PCDH9: variants seen among roughly 807,000 people sequenced by gnomAD.
PCDH9 encodes the protein protocadherin-9.
A neutral mutation model predicts 70.6 loss-of-function variants in PCDH9; 24 were observed. That is an observed-to-expected ratio of 0.34 (90% CI 0.25 to 0.48). The LOEUF (loss-of-function observed/expected upper bound fraction) is 0.48. Among genes scored for constraint, PCDH9 ranks in the 20% least tolerant of loss-of-function variants. The pLI is 0.99. For synonymous variants in PCDH9, 562 were observed against 558.5 expected (o/e 1.01, Z -0.09); for missense variants, 1,281 against 1,503.6 (o/e 0.85, Z 2.45).
chr13:67,033,008 T>C (rs772271391), intron 2 of PCDH9, among the ~76,000 whole-genome samples: 1 of 152,202 alleles, frequency 6.6e-6, no homozygotes, highest in Non-Finnish European at 1.5e-5. Flanking sequence ...ACTTATGTGA[T>C]GCATAATTTA....
intron 3 of PCDH9, among the ~76,000 whole-genome samples, chr13:66,744,276 A>G (rs1480071686): frequency 1.3e-5 from 2 of 152,234 alleles, no homozygotes; most frequent in Non-Finnish European, 2.9e-5. Context: ...GATGAAGATT[A>G]AATAAGCCCG....
intron 2 of PCDH9, among the ~76,000 whole-genome samples, chr13:67,192,704 A>G (rs972471178): frequency 6.6e-6 from 1 of 152,178 alleles, no homozygotes; most frequent in Admixed American, 6.6e-5. Context: ...AATCATAGTG[A>G]ATGGAGTAGA....
chr13:66,922,489 A>T (rs937397950), intron 2 of PCDH9, among the ~76,000 whole-genome samples: 1 of 151,394 alleles, frequency 6.6e-6, no homozygotes, highest in South Asian at 2.1e-4. Flanking sequence ...TTTAATTTTC[A>T]CGATTCTACA....
At chr13:66,597,549 C>A (rs1206519528) in intron 4 of PCDH9, among the ~76,000 whole-genome samples, 1 of 151,588 alleles carries the variant, frequency 6.6e-6, no homozygotes, top group Non-Finnish European at 1.5e-5. Context: ...GAAATCAGAC[C>A]CCTATCCCAC....
chr13:67,229,346 C>T (rs1295502960), intron 1 of PCDH9, among the ~76,000 whole-genome samples: 3 of 152,122 alleles, frequency 2.0e-5, no homozygotes, highest in African/African-American at 7.2e-5. Context: ...ATAAGTGAAA[C>T]GCAGCTAACA....
At chr13:66,779,873 A>ATACATGTATGTGTGTG (rs375882917) in intron 3 of PCDH9, among the ~76,000 whole-genome samples, 1 of 115,878 alleles carries the variant, frequency 8.6e-6, no homozygotes. Context: ...ATATACATAT[A>ATACATGTATGTGTGTG]TGTGTGTGTG....
chr13:66,432,973 T>C (rs1196274369), intron 4 of PCDH9, among the ~76,000 whole-genome samples: 2 of 151,932 alleles, frequency 1.3e-5, no homozygotes, highest in East Asian at 1.9e-4. Context: ...TAATTTGCTA[T>C]GAGGAAGTAA....
chr13:67,029,565 CT>C (rs1287077618), intron 2 of PCDH9, among the ~76,000 whole-genome samples: 2 of 152,146 alleles, frequency 1.3e-5, no homozygotes, highest in African/African-American at 4.8e-5. Context: ...AAGCAGCTTC[CT>C]TTACTGGCAT....
At chr13:66,450,777 A>C (rs1336330046) in intron 4 of PCDH9, among the ~76,000 whole-genome samples, 1 of 152,174 alleles carries the variant, frequency 6.6e-6, no homozygotes, top group Non-Finnish European at 1.5e-5. Context: ...GCACTTTGGG[A>C]GGCCGAGGCG....
chr13:66,549,222 A>G (rs556553033), intron 4 of PCDH9, among the ~76,000 whole-genome samples: 2 of 152,276 alleles, frequency 1.3e-5, no homozygotes, highest in Non-Finnish European at 1.5e-5. Context: ...AACCGTATGT[A>G]TATGTTAGCA....
intron 2 of PCDH9, among the ~76,000 whole-genome samples, chr13:66,911,044 G>A (rs2082455973): frequency 6.6e-6 from 1 of 152,174 alleles, no homozygotes; most frequent in Admixed American, 6.5e-5. Flanking sequence ...GCTCTGTTAG[G>A]CTGAATTTAT....
At chr13:66,532,305 T>A (rs529460705) in intron 4 of PCDH9, among the ~76,000 whole-genome samples, 1 of 152,024 alleles carries the variant, frequency 6.6e-6, no homozygotes, top group Non-Finnish European at 1.5e-5. Context: ...ATTTACTTTG[T>A]AAGGTGGAAA....
chr13:67,067,846 A>T (rs953328422), intron 2 of PCDH9, among the ~76,000 whole-genome samples: 2 of 151,918 alleles, frequency 1.3e-5, no homozygotes, highest in African/African-American at 4.8e-5. Flanking sequence ...GGTAGATAGG[A>T]TCAGGTATAT....
intron 2 of PCDH9, among the ~76,000 whole-genome samples, chr13:67,111,020 T>C (rs1403251270): frequency 6.6e-6 from 1 of 152,248 alleles, no homozygotes; most frequent in Non-Finnish European, 1.5e-5. Flanking sequence ...TCAATGCATA[T>C]GGCTGATTGA....
At chr13:66,788,648 A>ATTTTT (rs58386697) in intron 3 of PCDH9, among the ~76,000 whole-genome samples, 121 of 81,832 alleles carry the variant, frequency 1.5e-3, no homozygotes, top group African/African-American at 2.6e-3. Context: ...CTAAACAGTA[A>ATTTTT]TTTTTTTTTT....
chr13:66,510,795 T>C (rs1308101308), intron 4 of PCDH9, among the ~76,000 whole-genome samples: 19 of 152,214 alleles, frequency 1.2e-4, no homozygotes, highest in Admixed American at 1.2e-3. Flanking sequence ...GTCTTTGCTA[T>C]TGTGAATAGT....
At chr13:67,153,029 A>AT (rs752277563) in intron 2 of PCDH9, among the ~76,000 whole-genome samples, 1 of 151,740 alleles carries the variant, frequency 6.6e-6, no homozygotes, top group Non-Finnish European at 1.5e-5. Flanking sequence ...AAGTGCACTC[A>AT]TTCTCACTTC....
chr13:67,131,557 T>C (rs1202654095), intron 2 of PCDH9, among the ~76,000 whole-genome samples: 4 of 152,158 alleles, frequency 2.6e-5, no homozygotes, highest in Admixed American at 2.6e-4. Flanking sequence ...CTTCTAAAAT[T>C]AAACCAGGTT....
At chr13:66,644,368 AAGAC>A (rs2077745247) in intron 3 of PCDH9, among the ~76,000 whole-genome samples, 1 of 152,102 alleles carries the variant, frequency 6.6e-6, no homozygotes, top group African/African-American at 2.4e-5. Context: ...TGTGTTCAAT[AAGAC>A]AGTGTATATA....
Sources: allele counts gnomAD v4.1 joint callset (sites outside exome capture counted in the v4.1 genomes callset), GRCh38; gene constraint gnomAD v4.1.1; transcripts MANE v1.5; gene names NCBI Gene and HGNC (gene_info 2026-07-23, HGNC 2026-07-21).